OLFM4: variants seen among roughly 807,000 people sequenced by gnomAD.
The protein encoded by OLFM4 is olfactomedin-4.
OLFM4 carries 22 observed loss-of-function variants against 25.5 expected under a neutral mutation model. That is an observed-to-expected ratio of 0.86 (90% confidence interval 0.62 to 1.23). The LOEUF is 1.23. Ranked by LOEUF, OLFM4 falls within the 50% of genes most tolerant of loss-of-function variation. The pLI, the probability that OLFM4 is intolerant of heterozygous loss-of-function variation, is 0.00. For missense variants in OLFM4, 594 were observed against 619.4 expected (o/e 0.96, Z 0.44); for synonymous variants, 255 against 237.7 (o/e 1.07, Z -0.67).
In OLFM4 at chr13:53,041,915, G is replaced by C. The variant is rs1168693359; in HGVS notation, c.363G>C (p.Arg121Ser). ...QKFEKELSKV[R>S]EYVQLISVYE... ...ACCTTTTGATTTTCTTTCAGGTGAG[G>C]GAATATGTCCAATTAATTAGTGTGT... Residue 121 changes from arginine (R) to serine (S), a missense_variant, in exon 3 of 5, where the codon AGG (arginine) becomes AGC (serine). By Grantham distance (110) the Arg-to-Ser change is moderately radical. Coordinates refer to ENST00000219022, the MANE Select transcript of OLFM4 (RefSeq NM_006418.5). 1 of 1,612,486 alleles carries C rather than the reference G, an allele frequency of 6.2e-7. No homozygotes were observed. Among genetic ancestry groups the C allele is most frequent in the Non-Finnish European group, 8.5e-7 (1 of 1,178,734 alleles).
chr13:53,050,650 T>C lies in OLFM4; in HGVS notation c.1412T>C (p.Met471Thr). 6.2e-7 allele frequency: 1 copy of C among 1,613,964 alleles called. No homozygotes were observed. The highest frequency in any genetic ancestry group is 2.2e-5 in the East Asian group (1 of 44,854). ...AAAGAGGGCAAACTAGACATTGTAATGCATAAGATGCAGGAAAAAGTGCAG... is the reference window on the plus strand; with the variant it reads ...AAAGAGGGCAAACTAGACATTGTAACGCATAAGATGCAGGAAAAAGTGCAG... Reference protein sequence around the residue: ...TGKEGKLDIVMHKMQEKVQSI... With the variant: ...TGKEGKLDIVTHKMQEKVQSI... Residue 471 changes from methionine (M) to threonine (T), a missense_variant, in exon 5 of 5, where the codon ATG (methionine) becomes ACG (threonine). Coordinates refer to ENST00000219022, the MANE Select transcript of OLFM4 (RefSeq NM_006418.5).
At chr13:53,049,318 C>T (rs1273131824) in intron 4 of OLFM4, among the ~76,000 whole-genome samples, 2 of 152,120 alleles carry the variant, frequency 1.3e-5, no homozygotes, top group Non-Finnish European at 2.9e-5. Context: ...GAAATCCCAC[C>T]ATTATAGGAC....
chr13:53,043,257 C>A lies in OLFM4; in HGVS notation c.723C>A (p.Pro241=). 1 of 1,602,564 alleles carries A rather than the reference C, an allele frequency of 6.2e-7. No homozygotes were observed. The highest frequency in any genetic ancestry group is 1.1e-5 in the South Asian group (1 of 89,132). Residue 241 remains proline, a synonymous_variant, in exon 4 of 5, where the codon CCC becomes CCA. Coordinates refer to ENST00000219022, the MANE Select transcript of OLFM4 (RefSeq NM_006418.5). ...DQNTPVVHPP[P]TPGSCGHGGV... is the part of the protein sequence containing the mutation. ...ACACCCCTGTCGTCCACCCTCCTCC[C>A]ACTCCAGGTAAGCATGCCAGTTTTT...
intron 2 of OLFM4, among the ~76,000 whole-genome samples, chr13:53,040,057 G>A (rs1284685252): frequency 6.6e-6 from 1 of 152,176 alleles, no homozygotes; most frequent in Non-Finnish European, 1.5e-5. Flanking sequence ...TGATATTAGT[G>A]TAGTTTTGGG....
chr13:53,042,071 G>GA lies in OLFM4; in HGVS notation c.521dup (p.Glu175GlyfsTer11). On this transcript the variant is annotated frameshift_variant, in exon 3 of 5. Coordinates refer to ENST00000219022, the MANE Select transcript of OLFM4 (RefSeq NM_006418.5). LOFTEE classifies it high-confidence loss of function. ...AGATGGAAAAACTGGTCATACAGCTGAAGGAGAGTTTTGGTGGAAGCTCAG... is the reference window on the plus strand; with the variant it reads ...AGATGGAAAAACTGGTCATACAGCTGAAAGGAGAGTTTTGGTGGAAGCTCAG... The GA allele has an allele frequency of 6.2e-7, 1 of 1,614,054 alleles. No homozygotes were observed. The highest frequency in any genetic ancestry group is 8.5e-7 in the Non-Finnish European group (1 of 1,179,966).
chr13:53,037,445 C>T (rs765867011), intron 2 of OLFM4, among the ~76,000 whole-genome samples: 1 of 152,016 alleles, frequency 6.6e-6, no homozygotes, highest in African/African-American at 2.4e-5. Flanking sequence ...TTGATTGAGC[C>T]GTATTTGTAT....
At chr13:53,036,143 G>A (rs1270209973) in intron 2 of OLFM4, among the ~76,000 whole-genome samples, 1 of 152,156 alleles carries the variant, frequency 6.6e-6, no homozygotes. Flanking sequence ...AATATTCTAA[G>A]TTTAAATGAG....
At chr13:53,045,470 T>C (rs9563131) in intron 4 of OLFM4, among the ~76,000 whole-genome samples, 64,966 of 151,928 alleles carry the variant, frequency 0.43, 14,044 homozygotes, top group Middle Eastern at 0.53. Context: ...TTTCACTTGC[T>C]CTCTTTCTGT....
At chr13:53,038,130 T>C (rs2138234937) in intron 2 of OLFM4, among the ~76,000 whole-genome samples, 1 of 152,274 alleles carries the variant, frequency 6.6e-6, no homozygotes, top group East Asian at 1.9e-4. Flanking sequence ...ATAAAGATGT[T>C]GACACAGGAC....
Position 53,040,567 on chromosome 13 carries a change from G to A in OLFM4, c.358-1343G>A, listed in dbSNP as rs188913877. Among the ~76,000 whole-genome samples, 9 of 152,338 alleles carry A rather than the reference G, an allele frequency of 5.9e-5. No individual in the cohort carries two copies. In the East Asian group the frequency reaches 9.6e-4, roughly 16 times the overall value. On this transcript the variant is annotated intron_variant, in intron 2 of 4. Coordinates refer to ENST00000219022, the MANE Select transcript of OLFM4 (RefSeq NM_006418.5). ...AAATGGAAGGAGGGTGGTGTTGGCC[G>A]TGGCAACGATTTTGTCCCCAGGGAA...
chr13:53,043,393 TTCTCAG>T, intron 4 of OLFM4, 129 bp downstream of exon 4: 2 of 637,380 alleles, frequency 3.1e-6, no homozygotes, highest in Non-Finnish European at 4.8e-6. Context: ...TTTTTTTCAG[TTCTCAG>T]TTTTCTCTTC....
intron 4 of OLFM4, among the ~76,000 whole-genome samples, chr13:53,043,871 G>A (rs1354526203): frequency 6.6e-6 from 1 of 152,174 alleles, no homozygotes; most frequent in Admixed American, 6.5e-5. Context: ...GTGAGTTCTT[G>A]GAGTAGGGGT....
intron 2 of OLFM4, among the ~76,000 whole-genome samples, chr13:53,035,115 A>C (rs1593478208): frequency 6.8e-6 from 1 of 146,172 alleles, no homozygotes. Context: ...CCCTTCCTCC[A>C]CTTCCACTCC....
chr13:53,029,964 T>C (rs930013811), intron 1 of OLFM4, among the ~76,000 whole-genome samples: 1 of 152,096 alleles, frequency 6.6e-6, no homozygotes, highest in African/African-American at 2.4e-5. Context: ...AACCCCACTC[T>C]GCAAACCTCC....
chr13:53,049,948 T>C (rs1341880791), intron 4 of OLFM4, 21 bp from the exon 5 acceptor site: 1 of 1,562,050 alleles, frequency 6.4e-7, no homozygotes, highest in Non-Finnish European at 8.7e-7. Flanking sequence ...AAAATGCCTT[T>C]TTATTTTCTT....
chr13:53,043,368 GTTGTTTTT>G, intron 4 of OLFM4, 104 bp downstream of exon 4: 4 of 459,220 alleles, frequency 8.7e-6, no homozygotes, highest in Non-Finnish European at 9.3e-6. Flanking sequence ...AAGAAGGTGG[GTTGTTTTT>G]TTTTTTTTTT....
intron 4 of OLFM4, among the ~76,000 whole-genome samples, chr13:53,044,734 C>T (rs530277258): frequency 9.2e-5 from 14 of 152,206 alleles, no homozygotes; most frequent in African/African-American, 3.4e-4. Context: ...ATGGTCTGTC[C>T]TCTGTAATAA....
intron 4 of OLFM4, among the ~76,000 whole-genome samples, chr13:53,047,677 C>T (rs1954722561): frequency 6.6e-6 from 1 of 152,052 alleles, no homozygotes; most frequent in African/African-American, 2.4e-5. Context: ...TGATGAGCCA[C>T]TATTACTATT....
At chr13:53,031,102 T>C (rs1954626923) in intron 1 of OLFM4, among the ~76,000 whole-genome samples, 2 of 152,320 alleles carry the variant, frequency 1.3e-5, no homozygotes, top group Non-Finnish European at 1.5e-5. Flanking sequence ...AAAAGACAGA[T>C]ATTTAAAAGT....
Sources: gnomAD v4.1 joint callset for allele counts (sites outside exome capture counted in the v4.1 genomes callset) on GRCh38, gnomAD v4.1.1 for gene constraint, MANE v1.5 for transcripts, NCBI Gene and HGNC (gene_info 2026-07-23, HGNC 2026-07-21) for gene names.